The following RBFOX3 variants were observed in gnomAD, a reference collection of about 807,000 sequenced individuals.
RBFOX3 encodes RNA binding fox-1 homolog 3.
A neutral mutation model predicts 48.7 loss-of-function variants in RBFOX3; 17 were observed. The observed-to-expected ratio is 0.35, with a 90% CI of 0.24 to 0.52. RBFOX3 has a LOEUF of 0.52. Ranked by LOEUF, RBFOX3 falls within the 20% of genes least tolerant of loss-of-function variation. The pLI is 0.94. For synonymous variants in RBFOX3, 212 were observed against 209.5 expected (o/e 1.01, Z -0.10); for missense variants, 382 against 497.5 (o/e 0.77, Z 2.21).
intron 1 of RBFOX3, among the ~76,000 whole-genome samples, chr17:79,485,111 G>A (rs2079366880): frequency 2.0e-5 from 3 of 152,108 alleles, no homozygotes; most frequent in Non-Finnish European, 4.4e-5. Context: ...AGCAGAGGCT[G>A]CCCAGGGCCT....
intron 4 of RBFOX3, among the ~76,000 whole-genome samples, chr17:79,149,039 T>G (rs2043696599): frequency 6.6e-6 from 1 of 152,218 alleles, no homozygotes; most frequent in East Asian, 1.9e-4. Context: ...ATTCAAACAC[T>G]CAGCCTGCAG....
intron 1 of RBFOX3, among the ~76,000 whole-genome samples, chr17:79,588,662 T>A (rs888700342): frequency 6.6e-6 from 1 of 152,184 alleles, no homozygotes; most frequent in Non-Finnish European, 1.5e-5. Flanking sequence ...AGACCTGTCC[T>A]GAGCTTGGAC....
intron 2 of RBFOX3, among the ~76,000 whole-genome samples, chr17:79,394,934 G>C (rs2061809382): frequency 1.3e-5 from 2 of 152,244 alleles, no homozygotes; most frequent in South Asian, 4.1e-4. Context: ...GGACGACGCA[G>C]AGAGGCGGCA....
In RBFOX3 at chr17:79,198,657, G is replaced by C. The variant is rs2056189024; in HGVS notation, c.-34+37109C>G. ...TTTTTTTTTTTTAAGATGGAGTCTTGCTCTGTCACTCAAGCTGGAGTGCAG... is the reference window on the plus strand; with the variant it reads ...TTTTTTTTTTTTAAGATGGAGTCTTCCTCTGTCACTCAAGCTGGAGTGCAG... On this transcript the variant is annotated intron_variant, in intron 4 of 14. Transcript: ENST00000693108. The surrounding 1 kb of genome is among the most constrained non-coding windows in gnomAD (Gnocchi z 8.2). Among the ~76,000 whole-genome samples the C allele has an allele frequency of 6.7e-6, 1 of 150,138 alleles. No homozygotes were observed. The highest frequency in any genetic ancestry group is 2.1e-4 in the South Asian group (1 of 4,774).
rs1599967071 is a variant in RBFOX3, at chr17:79,205,609, C to A, written c.-34+30157G>T. 6.6e-6 allele frequency among the ~76,000 whole-genome samples: 1 copy of A among 152,200 alleles called. No homozygotes were observed. The highest frequency in any genetic ancestry group is 2.4e-5 in the African/African-American group (1 of 41,442). On this transcript the variant is annotated intron_variant, in intron 4 of 14. Coordinates refer to ENST00000693108, the MANE Select transcript of RBFOX3 (RefSeq NM_001350451.2). The surrounding 1 kb of genome is among the most constrained non-coding windows in gnomAD (Gnocchi z 4.5). ...AAGGAAGCAAGGATGAGGTCCCCATCCTATCCTTGTTCAATTCACCTACAA... is the reference window on the plus strand; with the variant it reads ...AAGGAAGCAAGGATGAGGTCCCCATACTATCCTTGTTCAATTCACCTACAA...
chr17:79,217,101 C>T (rs1025591180), intron 4 of RBFOX3, among the ~76,000 whole-genome samples: 3 of 152,218 alleles, frequency 2.0e-5, no homozygotes, highest in African/African-American at 4.8e-5. Context: ...AGCCCCTCCC[C>T]GCACGGCCAA....
the RBFOX3 span, among the ~76,000 whole-genome samples, chr17:79,659,022 T>G: frequency 6.6e-6 from 1 of 152,146 alleles, no homozygotes; most frequent in Non-Finnish European, 1.5e-5. Context: ...CAGCTCTTCT[T>G]GGCAATGCTC....
intron 1 of RBFOX3, among the ~76,000 whole-genome samples, chr17:79,514,505 T>C (rs2084968864): frequency 6.6e-6 from 1 of 152,218 alleles, no homozygotes; most frequent in South Asian, 2.1e-4. Context: ...TCACGCCTCG[T>C]TGTTGTGATC....
intron 1 of RBFOX3, among the ~76,000 whole-genome samples, chr17:79,501,659 T>G (rs2082406086): frequency 6.6e-6 from 1 of 152,230 alleles, no homozygotes; most frequent in Admixed American, 6.5e-5. Flanking sequence ...TAATGTGCCC[T>G]TCTCCTTATA....
At chr17:79,623,539 G>A in the RBFOX3 span, among the ~76,000 whole-genome samples, 1 of 152,156 alleles carries the variant, frequency 6.6e-6, no homozygotes, top group Non-Finnish European at 1.5e-5. Context: ...GAGACTGGGC[G>A]CAGTGGCTCA....
rs911079705 is a variant in RBFOX3, at chr17:79,390,170, A to G, written c.-174-82346T>C. 1.3e-5 allele frequency among the ~76,000 whole-genome samples: 2 copies of G among 152,230 alleles called. No homozygotes were observed. Among genetic ancestry groups the G allele is most frequent in the Non-Finnish European group, 2.9e-5 (2 of 68,038 alleles). Reference sequence around the variant, plus strand: ...ACCAGCAGCAGTGAAGGGCAAGTCCACAGAGTTCTGAGGTGTCCAACCTCC... The same window carrying G: ...ACCAGCAGCAGTGAAGGGCAAGTCCGCAGAGTTCTGAGGTGTCCAACCTCC... On this transcript the variant is annotated intron_variant, in intron 2 of 14. Transcript: ENST00000693108. The surrounding 1 kb of genome is among the most constrained non-coding windows in gnomAD (Gnocchi z 4.2).
intron 4 of RBFOX3, among the ~76,000 whole-genome samples, chr17:79,156,485 G>C (rs548383185): frequency 3.9e-5 from 6 of 152,280 alleles, no homozygotes; most frequent in Admixed American, 2.0e-4. Flanking sequence ...CTGGGAACTG[G>C]GTTTCCTTGG....
chr17:79,312,852 G>C (rs911960300), intron 2 of RBFOX3, among the ~76,000 whole-genome samples: 4 of 152,232 alleles, frequency 2.6e-5, no homozygotes, highest in Non-Finnish European at 5.9e-5. Context: ...ATCTCCTCGA[G>C]GGGGAGAGAG....
chr17:79,354,935 C>T (rs1485874315), intron 2 of RBFOX3, among the ~76,000 whole-genome samples: 5 of 152,240 alleles, frequency 3.3e-5, no homozygotes, highest in African/African-American at 1.2e-4. Context: ...GAGAATTGCA[C>T]TTGGTTCGGC....
intron 2 of RBFOX3, among the ~76,000 whole-genome samples, chr17:79,372,886 A>T (rs2058744258): frequency 6.6e-6 from 1 of 152,136 alleles, no homozygotes; most frequent in East Asian, 1.9e-4. Flanking sequence ...TTCTGGTGCA[A>T]TTGCGTGAAA....
rs368237867 is a variant in RBFOX3 at position 79,143,625 on chromosome 17, C to T, written c.-33-27877G>A. On this transcript the variant is annotated intron_variant, in intron 4 of 14. Coordinates refer to ENST00000693108, the MANE Select transcript of RBFOX3 (RefSeq NM_001350451.2). The stretch of plus-strand genomic sequence containing the variant: ...ACACCTCTGCTCTGGCCACAGGTGA[C>T]CCCCTTCGCTCGGCACCAACGCCAC... Among the ~76,000 whole-genome samples the T allele has an allele frequency of 5.9e-5, 9 of 152,306 alleles. 1 individual carries two copies. The South Asian group carries it at 1.0e-3, about 18-fold the overall frequency.
At chr17:79,520,384 C>A (rs1312971687) in intron 1 of RBFOX3, among the ~76,000 whole-genome samples, 2 of 152,204 alleles carry the variant, frequency 1.3e-5, no homozygotes, top group African/African-American at 2.4e-5. Flanking sequence ...AGGAGCATGT[C>A]GGGCCAAGGC....
chr17:79,510,729 G>A (rs2084020880), intron 1 of RBFOX3, among the ~76,000 whole-genome samples: 1 of 152,168 alleles, frequency 6.6e-6, no homozygotes, highest in African/African-American at 2.4e-5. Context: ...GAGGGGATGA[G>A]GACGGAGGAC....
chr17:79,090,878 A>T lies in RBFOX3; in HGVS notation c.*5T>A, dbSNP rs1306434981. On this transcript the variant is annotated 3_prime_UTR_variant, in exon 15 of 15. Transcript: ENST00000693108. ...CATGGTCCGAGAAGGAAACGGTGGAAGGTTTCACTACAACAGAAACAGAAA... is the reference window on the plus strand; with the variant it reads ...CATGGTCCGAGAAGGAAACGGTGGATGGTTTCACTACAACAGAAACAGAAA... The T allele has an allele frequency of 6.5e-7, 1 of 1,526,892 alleles. No individual in the cohort carries two copies. Among genetic ancestry groups the T allele is most frequent in the African/African-American group, 1.4e-5 (1 of 71,002 alleles). 94.6% of individuals were successfully genotyped at this position (1,526,892 alleles called of 1,614,324 possible).
Sources: gnomAD v4.1 joint callset for allele counts (sites outside exome capture counted in the v4.1 genomes callset) on GRCh38, gnomAD v4.1.1 for gene constraint, Gnocchi (gnomAD v3.1) non-coding constraint, MANE v1.5 for transcripts, NCBI Gene and HGNC (gene_info 2026-07-23, HGNC 2026-07-21) for gene names.